The following CRAMP1 variants were observed in gnomAD, a reference collection of about 807,000 sequenced individuals.
The protein encoded by CRAMP1 is protein cramped-like.
CRAMP1 carries 50 observed loss-of-function variants against 115.4 expected under a neutral mutation model. The observed-to-expected ratio is 0.43, with a 90% CI of 0.35 to 0.55. The LOEUF (loss-of-function observed/expected upper bound fraction) is 0.55. Ranked by LOEUF, CRAMP1 falls within the 20% of genes least tolerant of loss-of-function variation. CRAMP1 has a pLI of 0.01. For missense variants in CRAMP1, 1,679 were observed against 1,721.7 expected, an observed-to-expected ratio of 0.98 and a Z score of 0.44; for synonymous variants, 866 against 745.4, an observed-to-expected ratio of 1.16 and a Z score of -2.64.
intron 4 of CRAMP1, among the ~76,000 whole-genome samples, chr16:1,637,397 C>T (rs551607856): frequency 2.6e-5 from 4 of 152,140 alleles, no homozygotes; most frequent in Non-Finnish European, 4.4e-5. Flanking sequence ...CGCCTGGGCC[C>T]GGGCTATGCA....
intron 7 of CRAMP1, 132 bp from the exon 8 acceptor site, chr16:1,652,901 C>T (rs921584810): frequency 3.6e-6 from 4 of 1,111,234 alleles, no homozygotes; most frequent in Admixed American, 2.5e-5. Flanking sequence ...GCTGGGGTTT[C>T]TCTGCTCTCC....
At chr16:1,657,245 T>A (rs549222858) in intron 10 of CRAMP1, among the ~76,000 whole-genome samples, 4 of 152,212 alleles carry the variant, frequency 2.6e-5, no homozygotes, top group Non-Finnish European at 5.9e-5. Context: ...GGGCACTTGA[T>A]GAGTGTCCCC....
chr16:1,623,719 C>T (rs1054470267), intron 2 of CRAMP1, among the ~76,000 whole-genome samples: 1 of 152,172 alleles, frequency 6.6e-6, no homozygotes, highest in Non-Finnish European at 1.5e-5. Flanking sequence ...ATCCAGGCTC[C>T]TAGTGAGCCA....
intron 7 of CRAMP1, among the ~76,000 whole-genome samples, 192 bp from the exon 8 acceptor site, chr16:1,652,841 G>A (rs968373582): frequency 9.9e-5 from 15 of 152,218 alleles, no homozygotes; most frequent in Admixed American, 8.5e-4. Flanking sequence ...CTCTGGACCA[G>A]TCTGTGGCCT....
At chr16:1,660,374 T>C (rs2036818088) in intron 11 of CRAMP1, among the ~76,000 whole-genome samples, 1 of 152,112 alleles carries the variant, frequency 6.6e-6, no homozygotes, top group African/African-American at 2.4e-5. Flanking sequence ...ATGTGCTGAG[T>C]TGGTGGTTCA....
chr16:1,649,408 C>A (rs1414404442), intron 6 of CRAMP1, among the ~76,000 whole-genome samples: 1 of 152,228 alleles, frequency 6.6e-6, no homozygotes, highest in Non-Finnish European at 1.5e-5. Context: ...GTTGAGCTTT[C>A]CATAGCTACT....
At chr16:1,663,527 A>G (rs1434001655) in intron 13 of CRAMP1, among the ~76,000 whole-genome samples, 1 of 152,216 alleles carries the variant, frequency 6.6e-6, no homozygotes, top group Non-Finnish European at 1.5e-5. Flanking sequence ...GTTGAAAACT[A>G]TGGCCCAGGG....
intron 2 of CRAMP1, among the ~76,000 whole-genome samples, chr16:1,615,250 C>T (rs370440051): frequency 1.3e-5 from 2 of 152,188 alleles, no homozygotes; most frequent in Non-Finnish European, 2.9e-5. Flanking sequence ...AAGCTGTTTC[C>T]TTTCCAAAGG....
intron 5 of CRAMP1, among the ~76,000 whole-genome samples, chr16:1,639,892 C>T (rs183580189): frequency 5.9e-5 from 9 of 152,304 alleles, no homozygotes; most frequent in African/African-American, 1.9e-4. Context: ...CCTCTAGACC[C>T]TATTCTCCTG....
chr16:1,666,553 G>T lies in CRAMP1; in HGVS notation c.2989G>T (p.Asp997Tyr). Reference sequence around the variant, plus strand: ...GGTGACGGGTGCCATCTCGGGGCAGGACTCTACTGGAACTCACCAGGATGG... The same window carrying T: ...GGTGACGGGTGCCATCTCGGGGCAGTACTCTACTGGAACTCACCAGGATGG... The part of the protein sequence containing the change: ...DEVTGAISGQ[D>Y]STGTHQDGDT... The change falls in exon 16 of 21, where the codon GAC becomes TAC. Residue 997 changes from aspartate to tyrosine, a missense_variant. By Grantham distance (160) the Asp-to-Tyr change is radical. Transcript: ENST00000397412. This position sits in a 1 kb window ranked among gnomAD's most constrained non-coding sequence, Gnocchi z 5.0. 6.2e-7 allele frequency: 1 copy of T among 1,613,986 alleles called. No individual in the cohort carries two copies. The highest frequency in any genetic ancestry group is 1.3e-5 in the African/African-American group (1 of 75,052).
Position 1,667,982 on chromosome 16 carries a change from A to G in CRAMP1, c.3123A>G (p.Leu1041=). 1 of 1,611,806 alleles carries G rather than the reference A, an allele frequency of 6.2e-7. No individual in the cohort carries two copies. Among genetic ancestry groups the G allele is most frequent in the Non-Finnish European group, 8.5e-7 (1 of 1,178,854 alleles). ...AGCAGGGCTCATCTGTTCTCTCCTT[A>G]TCTGAGCTGCCCAAGGCCCCTCTCC... The part of the protein sequence containing the change: ...DSFQGSSVLS[L]SELPKAPLQN... The change falls in exon 18 of 21, where the codon TTA becomes TTG. Residue 1041 remains leucine (L), a synonymous_variant. Transcript: ENST00000397412.
intron 4 of CRAMP1, 137 bp from the exon 5 acceptor site, chr16:1,637,687 T>C: frequency 2.3e-6 from 1 of 441,304 alleles, no homozygotes; most frequent in Non-Finnish European, 4.1e-6. Context: ...CAGTGTCCCC[T>C]GTGGTTGACA....
At chr16:1,668,843 C>T (rs181166388) in intron 18 of CRAMP1, among the ~76,000 whole-genome samples, 158 bp from the exon 19 acceptor site, 2 of 152,172 alleles carry the variant, frequency 1.3e-5, no homozygotes, top group Admixed American at 6.5e-5. Context: ...AGCTGTTCTG[C>T]GGTGCTGCGC....
In CRAMP1 at chr16:1,676,778, G is replaced by C. The variant is rs1244496430; in HGVS notation, c.*2733G>C. The C allele has an allele frequency of 1.3e-5, 2 of 152,288 alleles. No homozygotes were observed. The highest frequency in any genetic ancestry group is 4.8e-5 in the African/African-American group (2 of 41,458). The allele number at this position is 152,288 out of a possible 1,614,324, so 9.4% of individuals were successfully genotyped here. A position where few individuals can be genotyped will look rare whatever the true frequency, so the allele number is the denominator to read the frequency against. ...GTTGTGGATGTGCAGTGATAAGCGG[G>C]CATTGCGTGCCTCGGGGGATGCCTA... On this transcript the variant is annotated 3_prime_UTR_variant, in exon 21 of 21. Coordinates refer to ENST00000397412, the MANE Select transcript of CRAMP1 (RefSeq NM_020825.4).
intron 7 of CRAMP1, 41 bp downstream of exon 7, chr16:1,652,622 A>G (rs992124790): frequency 3.3e-6 from 5 of 1,502,692 alleles, no homozygotes; most frequent in African/African-American, 1.4e-5. Flanking sequence ...GGCGGTGCCC[A>G]TGGTGTCCCA....
chr16:1,629,848 T>G (rs1051049452), intron 3 of CRAMP1, among the ~76,000 whole-genome samples: 4 of 152,190 alleles, frequency 2.6e-5, no homozygotes, highest in African/African-American at 9.7e-5. Context: ...GCACCCAGAC[T>G]GGGGTGCCAG....
At position 1,666,229 on chromosome 16, in the gene CRAMP1, T is replaced by C; in HGVS notation, c.2857+52T>C. 7.4e-7 allele frequency: 1 copy of C among 1,347,746 alleles called. No individual in the cohort carries two copies. The highest frequency in any genetic ancestry group is 1.0e-6 in the Non-Finnish European group (1 of 957,700). 83.5% of individuals were successfully genotyped at this position (1,347,746 alleles called of 1,614,324 possible). A position where few individuals can be genotyped will look rare whatever the true frequency, so the allele number is the denominator to read the frequency against. ...CCACTGAGTGAGCCTCTGAGGGATG[T>C]TTTTGTGACCAGGTTTTTTGAATGT... On this transcript the variant is annotated intron_variant, in intron 15 of 20. Coordinates refer to ENST00000397412, the MANE Select transcript of CRAMP1 (RefSeq NM_020825.4). This position sits in a 1 kb window ranked among gnomAD's most constrained non-coding sequence, Gnocchi z 5.0.
intron 3 of CRAMP1, among the ~76,000 whole-genome samples, chr16:1,630,839 A>G (rs1183674613): frequency 1.3e-5 from 2 of 152,130 alleles, no homozygotes; most frequent in Non-Finnish European, 2.9e-5. Flanking sequence ...TCATGATTCT[A>G]TGTTACGCAT....
intron 2 of CRAMP1, among the ~76,000 whole-genome samples, chr16:1,618,934 C>T (rs541458834): frequency 3.3e-5 from 5 of 152,278 alleles, no homozygotes; most frequent in Admixed American, 3.3e-4. Context: ...GAAGGCTGAG[C>T]TGCTTTTCAA....
Sources: allele counts gnomAD v4.1 joint callset (sites outside exome capture counted in the v4.1 genomes callset), GRCh38; gene constraint gnomAD v4.1.1; non-coding constraint Gnocchi (gnomAD v3.1); transcripts MANE v1.5; gene names NCBI Gene and HGNC (gene_info 2026-07-23, HGNC 2026-07-21).